The following CD6 variants were observed in gnomAD, a reference collection of about 807,000 sequenced individuals.
CD6 encodes the protein T-cell differentiation antigen CD6.
In CD6, 53 loss-of-function variants were observed where a neutral mutation model predicts 75.3. That is an observed-to-expected ratio of 0.70 (90% CI 0.56 to 0.88). The LOEUF (loss-of-function observed/expected upper bound fraction) is 0.88. CD6 is among the 40% of genes least tolerant of loss of function. CD6 has a pLI of 0.00. For synonymous variants in CD6, 359 were observed against 381.5 expected, an observed-to-expected ratio of 0.94 and a Z score of 0.69; for missense variants, 770 against 897.1, an observed-to-expected ratio of 0.86 and a Z score of 1.81.
intron 1 of CD6, among the ~76,000 whole-genome samples, chr11:60,972,889 C>T (rs1046622153): frequency 9.2e-5 from 14 of 152,138 alleles, no homozygotes; most frequent in African/African-American, 2.2e-4. Flanking sequence ...GCATGTGTTC[C>T]GAGCCTGTGG....
At chr11:61,001,091 GCATTAAATAACACTGAAT>G (rs1483895023) in intron 1 of CD6, among the ~76,000 whole-genome samples, 4 of 151,836 alleles carry the variant, frequency 2.6e-5, no homozygotes, top group African/African-American at 9.7e-5. Context: ...AATGAACTTA[GCATTAAATAACACTGAAT>G]CATGTGGCAA....
Position 61,007,502 on chromosome 11 carries a change from C to T in CD6, c.119-58C>T, listed in dbSNP as rs1263636244. On this transcript the variant is annotated intron_variant, in intron 2 of 12. Transcript: ENST00000313421. The surrounding 1 kb of genome is among the most constrained non-coding windows in gnomAD (Gnocchi z 4.2). ...TCACGCACAGAGTCAGTGGCAGAGC[C>T]TGGGCAACCCTCTGCCCAGGCCCCA... 3.3e-5 allele frequency: 42 copies of T among 1,290,958 alleles called. No individual in the cohort carries two copies. The highest frequency in any genetic ancestry group is 4.0e-5 in the Non-Finnish European group (40 of 988,242). 80.0% of individuals were successfully genotyped at this position (1,290,958 alleles called of 1,614,324 possible). A position where few individuals can be genotyped will look rare whatever the true frequency, so the allele number is the denominator to read the frequency against.
chr11:60,972,966 G>T (rs142569135), intron 1 of CD6, among the ~76,000 whole-genome samples: 10 of 152,320 alleles, frequency 6.6e-5, no homozygotes, highest in African/African-American at 1.4e-4. Context: ...TCAGCTCTGT[G>T]CATGTAGCTT....
intron 5 of CD6, among the ~76,000 whole-genome samples, chr11:61,010,093 T>G (rs938658203): frequency 6.6e-6 from 1 of 152,214 alleles, no homozygotes; most frequent in African/African-American, 2.4e-5. Flanking sequence ...GAATCATATA[T>G]GAAGACATTA....
chr11:60,986,605 G>A (rs1244250642), intron 1 of CD6, among the ~76,000 whole-genome samples: 3 of 152,162 alleles, frequency 2.0e-5, no homozygotes, highest in Non-Finnish European at 2.9e-5. Context: ...ATTCAGTTCC[G>A]AGAAACACTT....
At chr11:60,997,986 G>T (rs149624925) in intron 1 of CD6, among the ~76,000 whole-genome samples, 2 of 152,146 alleles carry the variant, frequency 1.3e-5, no homozygotes, top group Non-Finnish European at 2.9e-5. Context: ...CCTCCCCTGC[G>T]TTTATACAGA....
rs1859252266 is a variant in CD6 at position 61,013,538 on chromosome 11, C to T, written c.1266C>T (p.Ile422=). 1 of 1,614,030 alleles carries T rather than the reference C, an allele frequency of 6.2e-7. No homozygotes were observed. Among genetic ancestry groups the T allele is most frequent in the Admixed American group, 1.7e-5 (1 of 60,008 alleles). ...LLGSLIFIAF[I]LLRIKGKYAL... ...GCTCCCTCATCTTCATAGCCTTCATCCTCTTGAGAATTAAAGGAAAATATG... is the reference window on the plus strand; with the variant it reads ...GCTCCCTCATCTTCATAGCCTTCATTCTCTTGAGAATTAAAGGAAAATATG... The change falls in exon 7 of 13, where the codon ATC becomes ATT. Residue 422 remains isoleucine, a synonymous_variant. Transcript: ENST00000313421.
chr11:60,977,273 C>T (rs768196776), intron 1 of CD6, among the ~76,000 whole-genome samples: 11 of 152,184 alleles, frequency 7.2e-5, no homozygotes, highest in Non-Finnish European at 1.6e-4. Context: ...AAACAGGTGG[C>T]CCCAACTGTC....
intron 1 of CD6, among the ~76,000 whole-genome samples, chr11:61,003,243 G>A (rs909519697): frequency 6.6e-6 from 1 of 152,166 alleles, no homozygotes; most frequent in Non-Finnish European, 1.5e-5. Flanking sequence ...GGGCTTACAG[G>A]CGTGAGCCAC....
chr11:60,998,660 G>C (rs1332941632), intron 1 of CD6, among the ~76,000 whole-genome samples: 2 of 152,160 alleles, frequency 1.3e-5, no homozygotes, highest in African/African-American at 4.8e-5. Context: ...TGGCCACACT[G>C]TCTGCCCAGG....
Position 61,008,701 on chromosome 11 carries a change from G to T in CD6, c.637G>T (p.Gly213Cys). Reference sequence around the variant, plus strand: ...CGGCTGGGCAGTCCAGGCCCTGCCCGGCTTGCACTTCACGCCCGGCCGCGG... The same window carrying T: ...CGGCTGGGCAGTCCAGGCCCTGCCCTGCTTGCACTTCACGCCCGGCCGCGG... ...GCGWAVQALP[G>C]LHFTPGRGPI... Residue 213 changes from glycine (G) to cysteine (C), a missense_variant, in exon 4 of 13, where the codon GGC becomes TGC. Gly to Cys is a radical substitution (Grantham distance 159). Coordinates refer to ENST00000313421, the MANE Select transcript of CD6 (RefSeq NM_006725.5). 4 of 1,607,874 alleles carry T rather than the reference G, an allele frequency of 2.5e-6. No individual in the cohort carries two copies. Among genetic ancestry groups the T allele is most frequent in the Non-Finnish European group, 3.4e-6 (4 of 1,177,766 alleles).
chr11:61,014,658 C>G (rs1769494511), intron 8 of CD6, among the ~76,000 whole-genome samples: 1 of 151,522 alleles, frequency 6.6e-6, no homozygotes, highest in African/African-American at 2.4e-5. Flanking sequence ...TCGCTTGAAC[C>G]TGGGAGGCGG....
At chr11:61,018,183 C>A in intron 11 of CD6, 106 bp from the exon 12 acceptor site, 1 of 1,299,388 alleles carries the variant, frequency 7.7e-7, no homozygotes, top group East Asian at 2.5e-5. Flanking sequence ...TTGTCATTTG[C>A]CAAGCTAGGG....
chr11:60,994,737 T>C (rs1477973328), intron 1 of CD6, among the ~76,000 whole-genome samples: 1 of 152,208 alleles, frequency 6.6e-6, no homozygotes, highest in East Asian at 1.9e-4. Flanking sequence ...TTATTACCGA[T>C]CTATGTTCCG....
intron 1 of CD6, among the ~76,000 whole-genome samples, chr11:60,979,464 C>CTT (rs766300224): frequency 7.7e-5 from 11 of 143,184 alleles, no homozygotes; most frequent in African/African-American, 2.3e-4. Flanking sequence ...GTTTTGTTTT[C>CTT]TTTTTTTTTT....
chr11:61,011,795 C>G (rs1405614152), intron 6 of CD6, among the ~76,000 whole-genome samples: 1 of 152,240 alleles, frequency 6.6e-6, no homozygotes, highest in African/African-American at 2.4e-5. Flanking sequence ...CAACTCCCAG[C>G]TGTGCCTCTT....
At chr11:61,015,461 C>T in intron 8 of CD6, 1 of 442,834 alleles carries the variant, frequency 2.3e-6, no homozygotes, top group Non-Finnish European at 4.1e-6. Context: ...GTCCCAGCTA[C>T]TCGGGAGGCT....
intron 1 of CD6, among the ~76,000 whole-genome samples, chr11:60,976,363 C>T (rs1857364326): frequency 6.6e-6 from 1 of 152,178 alleles, no homozygotes; most frequent in African/African-American, 2.4e-5. Context: ...CTTAAATTTT[C>T]TACTTCAAAA....
intron 5 of CD6, 103 bp downstream of exon 5, chr11:61,009,977 C>A: frequency 8.7e-7 from 1 of 1,150,236 alleles, no homozygotes; most frequent in Non-Finnish European, 1.2e-6. Context: ...ACCAGATCGG[C>A]AATGGCACAT....
Sources: allele counts gnomAD v4.1 joint callset (sites outside exome capture counted in the v4.1 genomes callset), GRCh38; gene constraint gnomAD v4.1.1; non-coding constraint Gnocchi (gnomAD v3.1); transcripts MANE v1.5; gene names NCBI Gene and HGNC (gene_info 2026-07-23, HGNC 2026-07-21).